CACNA1I: variants seen among roughly 807,000 people sequenced by gnomAD.
The protein encoded by CACNA1I is voltage-dependent T-type calcium channel subunit alpha-1I.
A neutral mutation model predicts 201.6 loss-of-function variants in CACNA1I; 74 were observed. The observed-to-expected ratio is 0.37, with a 90% CI of 0.30 to 0.45. CACNA1I has a LOEUF of 0.45. Among genes scored for constraint, CACNA1I ranks in the 20% least tolerant of loss-of-function variants. The pLI, the probability that CACNA1I is intolerant of heterozygous loss-of-function variation, is 1.00. For missense variants in CACNA1I, 2,346 were observed against 3,138.1 expected (o/e 0.75, Z 6.03); for synonymous variants, 1,431 against 1,345.2 (o/e 1.06, Z -1.40).
chr22:39,573,890 C>T (rs12484689), intron 1 of CACNA1I, among the ~76,000 whole-genome samples: 34,271 of 152,012 alleles, frequency 0.23, 3,953 homozygotes, highest in Middle Eastern at 0.31. Flanking sequence ...GCCCTGGGTC[C>T]AAGGGGTGGG....
chr22:39,610,078 A>G (rs1212670020), intron 3 of CACNA1I, among the ~76,000 whole-genome samples: 2 of 152,224 alleles, frequency 1.3e-5, no homozygotes, highest in African/African-American at 4.8e-5. Flanking sequence ...CTCTGTGTGC[A>G]CTATTGGTGG....
rs60975716 is a variant in CACNA1I, at chr22:39,649,567, C to A, written c.1634C>A (p.Thr545Lys). The A allele has an allele frequency of 1.3e-6, 2 of 1,549,440 alleles. No individual in the cohort carries two copies. Among genetic ancestry groups the A allele is most frequent in the Non-Finnish European group, 1.7e-6 (2 of 1,146,780 alleles). Residue 545 changes from threonine to lysine, a missense_variant, in exon 10 of 37, where the codon ACG (threonine) becomes AAG (lysine). Thr to Lys is a moderately conservative substitution (Grantham distance 78). Transcript: ENST00000402142. The surrounding 1 kb of genome is among the most constrained non-coding windows in gnomAD (Gnocchi z 7.3). Reference protein sequence around the residue: ...PHTLVQPIPATLASDPASCPC... With the variant: ...PHTLVQPIPAKLASDPASCPC... ...ACCCTGGTGCAGCCCATCCCCGCCACGCTGGCTTCCGATCCCGCCAGCTGC... is the reference window on the plus strand; with the variant it reads ...ACCCTGGTGCAGCCCATCCCCGCCAAGCTGGCTTCCGATCCCGCCAGCTGC...
intron 5 of CACNA1I, among the ~76,000 whole-genome samples, chr22:39,638,367 A>G: frequency 6.6e-6 from 1 of 152,178 alleles, no homozygotes; most frequent in African/African-American, 2.4e-5. Context: ...AGGTGACCAT[A>G]TGTATTTGGG....
Position 39,665,012 on chromosome 22 carries a change from C to G in CACNA1I, c.3851+89C>G. The G allele has an allele frequency of 8.0e-7, 1 of 1,244,276 alleles. No individual in the cohort carries two copies. Among genetic ancestry groups the G allele is most frequent in the South Asian group, 1.4e-5 (1 of 73,022 alleles). The allele number at this position is 1,244,276 out of a possible 1,614,324, so 77.1% of individuals were successfully genotyped here. A position where few individuals can be genotyped will look rare whatever the true frequency, so the allele number is the denominator to read the frequency against. ...GAATTGGGCCCTCACTCCGCCCTCC[C>G]CGCCCGCCCACTCGGTCCTCCAATA... On this transcript the variant is annotated intron_variant, in intron 21 of 36. Coordinates refer to ENST00000402142, the MANE Select transcript of CACNA1I (RefSeq NM_021096.4). This position sits in a 1 kb window ranked among gnomAD's most constrained non-coding sequence, Gnocchi z 5.5.
intron 1 of CACNA1I, chr22:39,571,240 G>T: frequency 1.8e-6 from 1 of 548,010 alleles, no homozygotes; most frequent in Non-Finnish European, 3.3e-6. Flanking sequence ...CCAGTGGCTG[G>T]CTGGCTCAGA....
At chr22:39,592,680 T>C (rs1373005494) in intron 1 of CACNA1I, among the ~76,000 whole-genome samples, 1 of 152,224 alleles carries the variant, frequency 6.6e-6, no homozygotes, top group Non-Finnish European at 1.5e-5. Context: ...CTGCCCCCTC[T>C]GTCACCCAGA....
chr22:39,689,326 T>C lies in CACNA1I; in HGVS notation c.*2921T>C, dbSNP rs1380345387. The stretch of plus-strand genomic sequence containing the variant: ...AGGAGGACAAAGTGTGTAAAGCCCG[T>C]CTGCTGTCTTCCCCCAAATCCTCAG... On this transcript the variant is annotated 3_prime_UTR_variant, in exon 37 of 37. Coordinates refer to ENST00000402142, the MANE Select transcript of CACNA1I (RefSeq NM_021096.4). The C allele has an allele frequency of 6.5e-6, 1 of 152,826 alleles. No individual in the cohort carries two copies. Among genetic ancestry groups the C allele is most frequent in the Non-Finnish European group, 1.5e-5 (1 of 68,138 alleles). The allele number at this position is 152,826 out of a possible 1,614,324, so 9.5% of individuals were successfully genotyped here.
intron 6 of CACNA1I, among the ~76,000 whole-genome samples, chr22:39,641,637 C>T (rs1934353587): frequency 6.6e-6 from 1 of 152,206 alleles, no homozygotes; most frequent in African/African-American, 2.4e-5. Flanking sequence ...CCAAGTAGCT[C>T]ATCTGGAGTC....
At chr22:39,680,215 C>T (rs1200102562) in intron 33 of CACNA1I, among the ~76,000 whole-genome samples, 1 of 152,192 alleles carries the variant, frequency 6.6e-6, no homozygotes, top group African/African-American at 2.4e-5. Context: ...CATCTGCCCG[C>T]TCTTCCCCCA....
chr22:39,578,140 G>A (rs1932422050), intron 1 of CACNA1I, among the ~76,000 whole-genome samples: 1 of 152,168 alleles, frequency 6.6e-6, no homozygotes, highest in Non-Finnish European at 1.5e-5. Flanking sequence ...GGAAGGTGGG[G>A]AGTGGGGCCT....
At chr22:39,596,689 C>T (rs1179855142) in intron 1 of CACNA1I, among the ~76,000 whole-genome samples, 1 of 151,626 alleles carries the variant, frequency 6.6e-6, no homozygotes, top group Non-Finnish European at 1.5e-5. Context: ...TTTTTAACTG[C>T]CCACTGCTGC....
chr22:39,634,431 A>G, intron 4 of CACNA1I, 134 bp from the exon 5 acceptor site: 2 of 832,566 alleles, frequency 2.4e-6, no homozygotes, highest in South Asian at 1.5e-5. Context: ...GCCACTGAAC[A>G]GGATGGGAAC....
At position 39,649,589 on chromosome 22, in the gene CACNA1I, C is replaced by A; in HGVS notation, c.1656C>A (p.Ser552Arg). ...CCACGCTGGCTTCCGATCCCGCCAGCTGCCCTTGCTGCCAGCATGAGGACG... is the reference window on the plus strand; with the variant it reads ...CCACGCTGGCTTCCGATCCCGCCAGATGCCCTTGCTGCCAGCATGAGGACG... ...IPATLASDPA[S>R]CPCCQHEDGR... The change falls in exon 10 of 37, where the codon AGC becomes AGA. Residue 552 changes from serine to arginine, a missense_variant. This residue lies in a region of CACNA1I where 312 missense variants were observed against 331.5 expected (regional missense o/e 0.94). Transcript: ENST00000402142. This position sits in a 1 kb window ranked among gnomAD's most constrained non-coding sequence, Gnocchi z 7.3. The A allele has an allele frequency of 6.5e-7, 1 of 1,543,790 alleles. No homozygotes were observed. The highest frequency in any genetic ancestry group is 1.2e-5 in the South Asian group (1 of 82,938).
intron 5 of CACNA1I, among the ~76,000 whole-genome samples, chr22:39,638,947 T>A (rs1172006781): frequency 2.6e-5 from 4 of 152,234 alleles, no homozygotes; most frequent in Admixed American, 2.0e-4. Context: ...ACCACTGATC[T>A]GACAGAAGGT....
chr22:39,604,751 T>A (rs1401884412), intron 3 of CACNA1I, among the ~76,000 whole-genome samples: 2 of 151,968 alleles, frequency 1.3e-5, no homozygotes, highest in Non-Finnish European at 2.9e-5. Context: ...CTAATTTTTT[T>A]TTTTTTTACT....
chr22:39,668,186 C>T (rs2146460188), intron 23 of CACNA1I, 106 bp from the exon 24 acceptor site: 4 of 688,186 alleles, frequency 5.8e-6, no homozygotes, highest in East Asian at 5.4e-5. Flanking sequence ...ACCTCTTTGT[C>T]CCTCTGCCTC....
At chr22:39,608,676 A>T (rs1319753138) in intron 3 of CACNA1I, among the ~76,000 whole-genome samples, 1 of 148,380 alleles carries the variant, frequency 6.7e-6, no homozygotes, top group Non-Finnish European at 1.5e-5. Flanking sequence ...ACAGCTAAAA[A>T]AAAAAAAAAT....
intron 33 of CACNA1I, 138 bp downstream of exon 33, chr22:39,680,006 G>A: frequency 1.1e-6 from 1 of 877,010 alleles, no homozygotes; most frequent in Non-Finnish European, 1.7e-6. Flanking sequence ...AGCTTCCATG[G>A]CTGGGGCAGA....
intron 10 of CACNA1I, among the ~76,000 whole-genome samples, chr22:39,653,488 C>T (rs976529145): frequency 2.6e-5 from 4 of 152,084 alleles, no homozygotes; most frequent in Admixed American, 6.5e-5. Context: ...AGGTGGCGCT[C>T]GCAGAGAGAG....
Sources: allele counts gnomAD v4.1 joint callset (sites outside exome capture counted in the v4.1 genomes callset), GRCh38; gene constraint gnomAD v4.1.1; regional missense constraint gnomAD v4.1.1; non-coding constraint Gnocchi (gnomAD v3.1); transcripts MANE v1.5; gene names NCBI Gene and HGNC (gene_info 2026-07-23, HGNC 2026-07-21).